Variants in CCDC148 observed in about 807,000 individuals in gnomAD.
CCDC148 encodes the protein coiled-coil domain-containing protein 148.
Under a neutral mutation model 85.7 loss-of-function variants are expected in CCDC148, and 89 were observed. That is an observed-to-expected ratio of 1.04 (90% CI 0.87 to 1.24). The LOEUF is 1.24. Among genes scored for constraint, CCDC148 ranks in the 50% most tolerant of loss-of-function variants. The pLI is 0.00. For synonymous variants in CCDC148, 230 were observed against 213.9 expected, an observed-to-expected ratio of 1.08 and a Z score of -0.66; for missense variants, 692 against 671.7, an observed-to-expected ratio of 1.03 and a Z score of -0.33.
intron 1 of CCDC148, among the ~76,000 whole-genome samples, chr2:158,360,802 A>G (rs1482847243): frequency 6.6e-6 from 1 of 152,052 alleles, no homozygotes; most frequent in African/African-American, 2.4e-5. Flanking sequence ...TCAGCAAGGG[A>G]ACAAAACTGG....
At chr2:158,383,566 A>T (rs1031102227) in intron 1 of CCDC148, among the ~76,000 whole-genome samples, 1 of 151,952 alleles carries the variant, frequency 6.6e-6, no homozygotes, top group African/African-American at 2.4e-5. Context: ...TGAAAGAAAA[A>T]TTTTTTTCTT....
intron 10 of CCDC148, among the ~76,000 whole-genome samples, chr2:158,221,552 C>T (rs911695004): frequency 1.3e-4 from 20 of 152,238 alleles, no homozygotes; most frequent in Middle Eastern, 3.4e-3. Flanking sequence ...AAATAGTGAG[C>T]GACTGGCAGC....
At chr2:158,278,799 G>T (rs1401365056) in intron 9 of CCDC148, among the ~76,000 whole-genome samples, 1 of 152,250 alleles carries the variant, frequency 6.6e-6, no homozygotes, top group East Asian at 1.9e-4. Flanking sequence ...CGCGGATGGA[G>T]ATCTGAGAAC....
chr2:158,262,926 G>C (rs1353551603), intron 9 of CCDC148, among the ~76,000 whole-genome samples: 2 of 152,042 alleles, frequency 1.3e-5, no homozygotes, highest in African/African-American at 4.8e-5. Flanking sequence ...TCATATACTT[G>C]TCTAGTATCT....
At chr2:158,223,664 A>G (rs1439593152) in intron 10 of CCDC148, among the ~76,000 whole-genome samples, 2 of 152,192 alleles carry the variant, frequency 1.3e-5, no homozygotes, top group African/African-American at 2.4e-5. Context: ...CTGTTCACCA[A>G]TATTCACTGT....
chr2:158,281,499 C>T (rs1690298076), intron 9 of CCDC148, among the ~76,000 whole-genome samples: 1 of 152,022 alleles, frequency 6.6e-6, no homozygotes, highest in South Asian at 2.1e-4. Flanking sequence ...GTACAAACAC[C>T]TCTACGCAAA....
intron 2 of CCDC148, among the ~76,000 whole-genome samples, chr2:158,350,155 A>G (rs1030653146): frequency 6.6e-6 from 1 of 152,226 alleles, no homozygotes; most frequent in African/African-American, 2.4e-5. Flanking sequence ...CACAGTAGCC[A>G]TCTAGCAGCT....
chr2:158,242,926 C>T (rs781526930), intron 10 of CCDC148, among the ~76,000 whole-genome samples: 2 of 152,028 alleles, frequency 1.3e-5, no homozygotes, highest in Non-Finnish European at 2.9e-5. Context: ...GAATGCTCAT[C>T]TTCCACTCCT....
intron 7 of CCDC148, among the ~76,000 whole-genome samples, chr2:158,325,910 A>C (rs1431695107): frequency 3.3e-5 from 5 of 152,160 alleles, no homozygotes; most frequent in African/African-American, 4.8e-5. Flanking sequence ...TAAGTGTCCA[A>C]TATCTTCTTG....
At position 158,179,936 on chromosome 2, in the gene CCDC148, C is replaced by T. The variant is rs189324923; in HGVS notation, c.1371-940G>A. Among the ~76,000 whole-genome samples the T allele has an allele frequency of 4.3e-3, 650 of 152,232 alleles. 2 individuals carry two copies. Among genetic ancestry groups the T allele is most frequent in the Middle Eastern group, 6.8e-3 (2 of 294 alleles). On this transcript the variant is annotated intron_variant, in intron 11 of 13. Coordinates refer to ENST00000283233, the MANE Select transcript of CCDC148 (RefSeq NM_138803.4). The stretch of plus-strand genomic sequence containing the variant: ...TATTAAAATATGGCCCACTTAAATA[C>T]CAGCTTAAAGCCCTGAGCTCCTTGG...
At chr2:158,343,847 T>C (rs1341369481) in intron 3 of CCDC148, among the ~76,000 whole-genome samples, 3 of 152,186 alleles carry the variant, frequency 2.0e-5, no homozygotes, top group Non-Finnish European at 4.4e-5. Flanking sequence ...GAATTCTTCA[T>C]TTTGTCCAAT....
intron 13 of CCDC148, 132 bp from the exon 14 acceptor site, chr2:158,172,391 C>G: frequency 1.5e-6 from 1 of 666,206 alleles, no homozygotes; most frequent in Non-Finnish European, 2.6e-6. Flanking sequence ...ACTGTGAATA[C>G]AGTGACTATA....
chr2:158,341,968 A>C (rs1433082126), intron 3 of CCDC148, among the ~76,000 whole-genome samples: 4 of 135,806 alleles, frequency 2.9e-5, no homozygotes, highest in African/African-American at 1.1e-4. Flanking sequence ...AGTTTTCATA[A>C]TTATCATTTA....
At chr2:158,293,390 T>C (rs1027407463) in intron 9 of CCDC148, among the ~76,000 whole-genome samples, 3 of 152,212 alleles carry the variant, frequency 2.0e-5, no homozygotes, top group African/African-American at 4.8e-5. Context: ...TCCTGACCTA[T>C]AGAAACAGCA....
At chr2:158,377,288 G>A (rs1430437039) in intron 1 of CCDC148, among the ~76,000 whole-genome samples, 2 of 151,014 alleles carry the variant, frequency 1.3e-5, no homozygotes, top group African/African-American at 4.9e-5. Context: ...TGTGGGGGGG[G>A]TGGGGTACAA....
In CCDC148 at chr2:158,179,166, AT is replaced by A. The variant is rs10699879; in HGVS notation, c.1371-171del. Among the ~76,000 whole-genome samples the A allele has an allele frequency of 4.8e-3, 398 of 82,782 alleles. 2 individuals are homozygous for A. Among genetic ancestry groups the A allele is most frequent in the African/African-American group, 0.014 (300 of 21,842 alleles). 54.3% of individuals were successfully genotyped at this position (82,782 alleles called of 152,430 possible). On this transcript the variant is annotated intron_variant, in intron 11 of 13. Transcript: ENST00000283233. ...ATAAAAGACACTCATATAAAATGCAATTTTTTTTTTTTTTTTTTTTTTTGAG... is the reference window on the plus strand; with the variant it reads ...ATAAAAGACACTCATATAAAATGCAATTTTTTTTTTTTTTTTTTTTTTGAG...
intron 9 of CCDC148, among the ~76,000 whole-genome samples, chr2:158,278,174 G>A (rs1165000807): frequency 3.3e-5 from 5 of 152,260 alleles, no homozygotes; most frequent in Non-Finnish European, 7.4e-5. Context: ...AACAGCTCCA[G>A]TCTACAGCTC....
At chr2:158,419,676 A>G (rs1168275358) in intron 1 of CCDC148, among the ~76,000 whole-genome samples, 1 of 152,186 alleles carries the variant, frequency 6.6e-6, no homozygotes, top group East Asian at 1.9e-4. Flanking sequence ...AAGCCAAACA[A>G]GAAAAATACA....
intron 9 of CCDC148, among the ~76,000 whole-genome samples, chr2:158,270,198 T>G (rs1448144133): frequency 2.0e-5 from 3 of 152,212 alleles, no homozygotes; most frequent in Non-Finnish European, 2.9e-5. Context: ...AACATTAACA[T>G]TTATTCTTCA....
Sources: allele counts gnomAD v4.1 joint callset (sites outside exome capture counted in the v4.1 genomes callset), GRCh38; gene constraint gnomAD v4.1.1; transcripts MANE v1.5; gene names NCBI Gene and HGNC (gene_info 2026-07-23, HGNC 2026-07-21).